GTF2A2: variants seen among roughly 807,000 people sequenced by gnomAD.
GTF2A2 encodes general transcription factor IIA subunit 2.
GTF2A2 carries 9 observed loss-of-function variants against 14.3 expected under a neutral mutation model. The ratio of observed to expected loss-of-function variants is 0.63; its 90% CI spans 0.38 to 1.10. The LOEUF (loss-of-function observed/expected upper bound fraction) is 1.10. GTF2A2 is among the 50% of genes least tolerant of loss of function. GTF2A2 has a pLI of 0.01. For synonymous variants in GTF2A2, 56 were observed against 46.0 expected (o/e 1.22, Z -0.88); for missense variants, 90 against 124.6 (o/e 0.72, Z 1.32).
rs1483871659 is a variant in GTF2A2, at chr15:59,642,175, T to G, written c.265A>C (p.Lys89Gln). ...GCTACAATTTTCACTTTATCCACTT[T>G]AATAAGTTCTGTCACCTCTCTGAAT... ...VEFREVTELIKVDKVKIVACD... is the reference protein window; with the variant it reads ...VEFREVTELIQVDKVKIVACD... Residue 89 changes from lysine to glutamine, a missense_variant, in exon 4 of 5, where the codon AAA (lysine) becomes CAA (glutamine). Coordinates refer to ENST00000396060, the MANE Select transcript of GTF2A2 (RefSeq NM_004492.3). The G allele has an allele frequency of 1.2e-6, 2 of 1,609,850 alleles. No individual in the cohort carries two copies. The highest frequency in any genetic ancestry group is 1.7e-6 in the Non-Finnish European group (2 of 1,178,110).
intron 3 of GTF2A2, among the ~76,000 whole-genome samples, chr15:59,647,259 CTTTGTTTGT>C (rs1179795799): frequency 6.6e-6 from 1 of 151,888 alleles, no homozygotes; most frequent in East Asian, 1.9e-4. Flanking sequence ...CACCCAGCTA[CTTTGTTTGT>C]TTTGTTTGTT....
intron 3 of GTF2A2, among the ~76,000 whole-genome samples, chr15:59,648,140 A>G (rs1489466577): frequency 3.3e-5 from 5 of 152,026 alleles, no homozygotes; most frequent in African/African-American, 7.2e-5. Flanking sequence ...CGGGTGCGGT[A>G]CCTCACGCCT....
intron 3 of GTF2A2, among the ~76,000 whole-genome samples, chr15:59,642,562 TAA>T (rs1311936963): frequency 6.6e-6 from 1 of 152,228 alleles, no homozygotes; most frequent in African/African-American, 2.4e-5. Context: ...CTCATGTGGC[TAA>T]GTTATGAAAG....
chr15:59,655,083 C>G (rs1891903865), intron 1 of GTF2A2, among the ~76,000 whole-genome samples: 1 of 152,210 alleles, frequency 6.6e-6, no homozygotes, highest in African/African-American at 2.4e-5. Flanking sequence ...CAGGCATTGT[C>G]TTCTAATTCA....
Position 59,650,785 on chromosome 15 carries a change from T to C in GTF2A2, c.73-12A>G, listed in dbSNP as rs1566933239. 7.5e-6 allele frequency: 10 copies of C among 1,329,734 alleles called. No individual in the cohort carries two copies. The highest frequency in any genetic ancestry group is 9.7e-6 in the Non-Finnish European group (9 of 924,676). 82.4% of individuals were successfully genotyped at this position (1,329,734 alleles called of 1,614,324 possible). A position where few individuals can be genotyped will look rare whatever the true frequency, so the allele number is the denominator to read the frequency against. On this transcript the variant is annotated splice_polypyrimidine_tract_variant and intron_variant, in intron 2 of 4. Coordinates refer to ENST00000396060, the MANE Select transcript of GTF2A2 (RefSeq NM_004492.3). ...GTGATCTGTTGAGACTGAGAAAAGG[T>C]AAAGGTCATAAATCCCGTTAAGGAA...
At chr15:59,644,887 G>C (rs1326071053) in intron 3 of GTF2A2, among the ~76,000 whole-genome samples, 14 of 152,188 alleles carry the variant, frequency 9.2e-5, no homozygotes, top group Non-Finnish European at 4.4e-5. Flanking sequence ...TTAAGCATAA[G>C]AGTCTGATCA....
In GTF2A2 at chr15:59,638,945, T is replaced by TTCATGCTGTATAATAAAGGTGA; in HGVS notation, c.*165_*186dup. 1.9e-6 allele frequency: 1 copy of TTCATGCTGTATAATAAAGGTGA among 514,260 alleles called. No homozygotes were observed. The highest frequency in any genetic ancestry group is 3.5e-6 in the Non-Finnish European group (1 of 282,584). The allele number at this position is 514,260 out of a possible 1,614,324, so 31.9% of individuals were successfully genotyped here. ...TGTCCTTAAAAAAAAGTTATGGTTT[T>TTCATGCTGTATAATAAAGGTGA]TCATGCTGTATAATAAAGGTGATGT... is the stretch of plus-strand genomic sequence containing the variant. On this transcript the variant is annotated 3_prime_UTR_variant, in exon 5 of 5. Transcript: ENST00000396060.
At chr15:59,639,522 G>A (rs554311269) in intron 4 of GTF2A2, among the ~76,000 whole-genome samples, 10 of 149,680 alleles carry the variant, frequency 6.7e-5, no homozygotes, top group South Asian at 4.2e-4. Context: ...GTGCAGTGGC[G>A]TGATCTTGGC....
At chr15:59,645,871 C>T (rs775560558) in intron 3 of GTF2A2, among the ~76,000 whole-genome samples, 15 of 151,654 alleles carry the variant, frequency 9.9e-5, no homozygotes, top group African/African-American at 1.5e-4. Context: ...CCCGTCTCTA[C>T]GTAAATATAA....
intron 1 of GTF2A2, among the ~76,000 whole-genome samples, chr15:59,656,126 G>A (rs1891935684): frequency 6.6e-6 from 1 of 151,970 alleles, no homozygotes; most frequent in East Asian, 1.9e-4. Context: ...CAATGATCCG[G>A]CTACCATGAT....
In GTF2A2 at chr15:59,650,506, T is replaced by C. The variant is rs559968905; in HGVS notation, c.177+163A>G. 3.3e-5 allele frequency among the ~76,000 whole-genome samples: 5 copies of C among 152,342 alleles called. No homozygotes were observed. The South Asian group carries it at 8.3e-4, about 25-fold the overall frequency. On this transcript the variant is annotated intron_variant, in intron 3 of 4. Transcript: ENST00000396060. ...ACATTAAGTGGATCAACTTAGTTTATAGTTGATTGAAAAGTATAATTTAGT... is the reference window on the plus strand; with the variant it reads ...ACATTAAGTGGATCAACTTAGTTTACAGTTGATTGAAAAGTATAATTTAGT...
chr15:59,648,984 G>A (rs1891707645), intron 3 of GTF2A2, among the ~76,000 whole-genome samples: 1 of 152,042 alleles, frequency 6.6e-6, no homozygotes, highest in Non-Finnish European at 1.5e-5. Flanking sequence ...AATTTAACAT[G>A]CTATATAGGA....
At chr15:59,640,720 AAATAT>A (rs1891388719) in intron 4 of GTF2A2, among the ~76,000 whole-genome samples, 1 of 151,544 alleles carries the variant, frequency 6.6e-6, no homozygotes, top group African/African-American at 2.4e-5. Flanking sequence ...TAATAAAAAT[AAATAT>A]AACAAGGGTT....
rs762997976 is a variant in GTF2A2, at chr15:59,656,344, T to C, written c.-50+1062A>G. 8.5e-5 allele frequency among the ~76,000 whole-genome samples: 13 copies of C among 152,292 alleles called. 1 individual carries two copies. In the South Asian group the frequency reaches 2.5e-3, roughly 29 times the overall value. ...CTTTGCTCAAATAACACCTACTAAA[T>C]GAGGCTCAAACTGACCACCGTCATC... On this transcript the variant is annotated intron_variant, in intron 1 of 4. Transcript: ENST00000396060.
chr15:59,645,729 C>T (rs148300207), intron 3 of GTF2A2, among the ~76,000 whole-genome samples: 75 of 152,236 alleles, frequency 4.9e-4, no homozygotes, highest in African/African-American at 1.8e-3. Flanking sequence ...GTGTAATCCA[C>T]GATCTTAAGA....
At chr15:59,639,298 A>C (rs1183345319) in intron 4 of GTF2A2, 141 bp from the exon 5 acceptor site, 1 of 660,210 alleles carries the variant, frequency 1.5e-6, no homozygotes, top group African/African-American at 1.8e-5. Context: ...AACAGGAGGA[A>C]AGGTGACACT....
At position 59,639,259 on chromosome 15, in the gene GTF2A2, T is replaced by C. The variant is rs140371286; in HGVS notation, c.305-102A>G. 8.0e-4 allele frequency: 601 copies of C among 755,120 alleles called. 6 individuals carry two copies. In the East Asian group the frequency reaches 0.014, roughly 18 times the overall value. 46.8% of individuals were successfully genotyped at this position (755,120 alleles called of 1,614,324 possible). A position where few individuals can be genotyped will look rare whatever the true frequency, so the allele number is the denominator to read the frequency against. ...ATCAAAAATGAGAACACAGGACTAA[T>C]AGTGGTGGTGGCTTGCAGGGTGGGG... is the stretch of plus-strand genomic sequence containing the variant. On this transcript the variant is annotated intron_variant, in intron 4 of 4. Transcript: ENST00000396060.
chr15:59,647,218 C>T (rs767697813), intron 3 of GTF2A2, among the ~76,000 whole-genome samples: 8 of 151,936 alleles, frequency 5.3e-5, no homozygotes, highest in Non-Finnish European at 8.8e-5. Flanking sequence ...TCAGCCTCCC[C>T]AGCAGCTGGG....
At chr15:59,642,556 TGTGGCTAA>T (rs746304249) in intron 3 of GTF2A2, among the ~76,000 whole-genome samples, 3 of 152,134 alleles carry the variant, frequency 2.0e-5, no homozygotes, top group Non-Finnish European at 4.4e-5. Flanking sequence ...ATTGCCCTCA[TGTGGCTAA>T]GTTATGAAAG....
Sources: allele counts gnomAD v4.1 joint callset (sites outside exome capture counted in the v4.1 genomes callset), GRCh38; gene constraint gnomAD v4.1.1; transcripts MANE v1.5; gene names NCBI Gene and HGNC (gene_info 2026-07-23, HGNC 2026-07-21).